Variants in TMEM131L observed in about 807,000 individuals in gnomAD.
The protein encoded by TMEM131L is transmembrane protein 131-like.
TMEM131L carries 54 observed loss-of-function variants against 192.2 expected under a neutral mutation model. The observed-to-expected ratio is 0.28, with a 90% CI of 0.23 to 0.35. The LOEUF (loss-of-function observed/expected upper bound fraction) is 0.35. Among genes scored for constraint, TMEM131L ranks in the 10% least tolerant of loss-of-function variants. The pLI is 1.00. For missense variants in TMEM131L, 1,888 were observed against 1,972.9 expected, an observed-to-expected ratio of 0.96 and a Z score of 0.82; for synonymous variants, 701 against 704.9, an observed-to-expected ratio of 0.99 and a Z score of 0.09.
chr4:153,467,743 A>G (rs1411571747), intron 2 of TMEM131L, among the ~76,000 whole-genome samples: 1 of 152,240 alleles, frequency 6.6e-6, no homozygotes, highest in Admixed American at 6.5e-5. Flanking sequence ...ATTTTCTCCA[A>G]GTGCCCTTAA....
chr4:153,573,164 C>A (rs773163429), intron 7 of TMEM131L, among the ~76,000 whole-genome samples: 7 of 152,236 alleles, frequency 4.6e-5, no homozygotes, highest in Non-Finnish European at 8.8e-5. Context: ...TGAGTCCCTG[C>A]TGTCACTTTT....
At chr4:153,480,977 A>G (rs1731901261) in intron 3 of TMEM131L, among the ~76,000 whole-genome samples, 1 of 152,086 alleles carries the variant, frequency 6.6e-6, no homozygotes, top group African/African-American at 2.4e-5. Flanking sequence ...CATTTGTCCT[A>G]CATCCTTTCC....
chr4:153,512,986 C>G (rs1452258991), intron 3 of TMEM131L, among the ~76,000 whole-genome samples: 1 of 152,200 alleles, frequency 6.6e-6, no homozygotes, highest in Admixed American at 6.5e-5. Flanking sequence ...AGTTTTAAAT[C>G]ACCAGTCTGT....
intron 31 of TMEM131L, among the ~76,000 whole-genome samples, chr4:153,631,173 C>T (rs1734183819): frequency 1.3e-5 from 2 of 152,202 alleles, no homozygotes; most frequent in Non-Finnish European, 2.9e-5. Flanking sequence ...TGCAGCCTCC[C>T]AGTAGATGCT....
At chr4:153,626,068 AAC>A (rs1431176574) in intron 29 of TMEM131L, 77 bp from the exon 30 acceptor site, 2 of 828,880 alleles carry the variant, frequency 2.4e-6, no homozygotes, top group African/African-American at 3.4e-5. Context: ...TGATATTAAT[AAC>A]CTATGCATTT....
chr4:153,627,610 T>C lies in TMEM131L; in HGVS notation c.4130T>C (p.Val1377Ala). The C allele has an allele frequency of 6.2e-7, 1 of 1,613,856 alleles. No homozygotes were observed. Among genetic ancestry groups the C allele is most frequent in the Non-Finnish European group, 8.5e-7 (1 of 1,179,796 alleles). Residue 1377 changes from valine to alanine, a missense_variant, in exon 31 of 35, where the codon GTG (valine) becomes GCG (alanine). Transcript: ENST00000409959. ...CTTTGCCCTCTTCCCCACAGGACCG[T>C]GAATAGTCTCCCACAATACGCAGAG... ...LSHNICNPMT[V>A]NSLPQYAEPS... is the part of the protein sequence containing the mutation.
At position 153,598,569 on chromosome 4, in the gene TMEM131L, A is replaced by G. The variant is rs776987253; in HGVS notation, c.2124-21A>G. ...GTGACTCCATGTAATGCCTTTTTATATCTATTTCCTTTCACTACAGGAATA... is the reference window on the plus strand; with the variant it reads ...GTGACTCCATGTAATGCCTTTTTATGTCTATTTCCTTTCACTACAGGAATA... On this transcript the variant is annotated intron_variant, in intron 20 of 34. Coordinates refer to ENST00000409959, the MANE Select transcript of TMEM131L (RefSeq NM_001131007.2). 1.2e-5 allele frequency: 19 copies of G among 1,605,426 alleles called. No individual in the cohort carries two copies. The South Asian group carries it at 1.7e-4, about 14-fold the overall frequency.
chr4:153,630,201 T>A (rs1734118628), intron 31 of TMEM131L, among the ~76,000 whole-genome samples: 1 of 152,356 alleles, frequency 6.6e-6, no homozygotes. Context: ...CATGCGTACA[T>A]CATTCCATAA....
intron 3 of TMEM131L, among the ~76,000 whole-genome samples, chr4:153,505,403 G>C (rs1405118256): frequency 6.6e-6 from 1 of 152,142 alleles, no homozygotes; most frequent in African/African-American, 2.4e-5. Context: ...ACCTTGCCCA[G>C]CCCTCAACTT....
At chr4:153,528,426 G>T (rs950556667) in intron 3 of TMEM131L, among the ~76,000 whole-genome samples, 1 of 152,210 alleles carries the variant, frequency 6.6e-6, no homozygotes, top group South Asian at 2.1e-4. Context: ...AGAGTGTGAA[G>T]TCTGGTGGCA....
chr4:153,510,280 T>A (rs1734266129), intron 3 of TMEM131L, among the ~76,000 whole-genome samples: 1 of 152,096 alleles, frequency 6.6e-6, no homozygotes. Context: ...CTTGAAGATG[T>A]TTCAAGGGAC....
intron 5 of TMEM131L, among the ~76,000 whole-genome samples, chr4:153,556,267 A>G (rs1728437031): frequency 6.6e-6 from 1 of 152,138 alleles, no homozygotes; most frequent in Non-Finnish European, 1.5e-5. Context: ...TAACTAATAC[A>G]AGTTTATGGT....
intron 3 of TMEM131L, among the ~76,000 whole-genome samples, chr4:153,544,269 G>A (rs563474930): frequency 6.6e-6 from 1 of 152,224 alleles, no homozygotes; most frequent in African/African-American, 2.4e-5. Context: ...TCAGATCCCT[G>A]TTAGGAGGTG....
chr4:153,526,062 T>C (rs1409913892), intron 3 of TMEM131L, among the ~76,000 whole-genome samples: 2 of 151,814 alleles, frequency 1.3e-5, no homozygotes, highest in African/African-American at 4.8e-5. Flanking sequence ...TTTCACCATG[T>C]TGGCCAGGAT....
At chr4:153,561,576 A>C (rs1222483227) in intron 7 of TMEM131L, among the ~76,000 whole-genome samples, 2 of 152,146 alleles carry the variant, frequency 1.3e-5, no homozygotes, top group East Asian at 3.9e-4. Flanking sequence ...ATTCTTTTGC[A>C]TGTAGATGTC....
At position 153,596,318 on chromosome 4, in the gene TMEM131L, A is replaced by G. The variant is rs747736840; in HGVS notation, c.2056A>G (p.Met686Val). The change falls in exon 20 of 35, where the codon ATG becomes GTG. Residue 686 changes from methionine to valine, a missense_variant. By Grantham distance (21) the Met-to-Val change is conservative. Transcript: ENST00000409959. ...ILHLHLQPLE[M>V]KRVGVVFTPA... The stretch of plus-strand genomic sequence containing the variant: ...CCACTTACATCTGCAGCCTTTGGAA[A>G]TGAAAAGGGTTGGCGTAGTTTTCAC... The G allele has an allele frequency of 2.7e-5, 43 of 1,614,034 alleles. No individual in the cohort carries two copies. Among genetic ancestry groups the G allele is most frequent in the Middle Eastern group, 3.3e-4 (2 of 6,060 alleles).
intron 3 of TMEM131L, among the ~76,000 whole-genome samples, chr4:153,516,089 C>G (rs1734711486): frequency 6.6e-6 from 1 of 151,944 alleles, no homozygotes; most frequent in African/African-American, 2.4e-5. Context: ...GAGTCATGTA[C>G]TATAAATGGT....
chr4:153,489,145 A>G (rs1238504665), intron 3 of TMEM131L, among the ~76,000 whole-genome samples: 3 of 151,910 alleles, frequency 2.0e-5, no homozygotes, highest in African/African-American at 7.2e-5. Flanking sequence ...CCCCAGCGAG[A>G]CTCGTCTGTG....
intron 3 of TMEM131L, among the ~76,000 whole-genome samples, chr4:153,497,754 G>A (rs998910176): frequency 1.3e-5 from 2 of 151,318 alleles, no homozygotes; most frequent in Middle Eastern, 3.4e-3. Context: ...GATGACAAGC[G>A]TTAATGCTTG....
Sources: gnomAD v4.1 joint callset for allele counts (sites outside exome capture counted in the v4.1 genomes callset) on GRCh38, gnomAD v4.1.1 for gene constraint, MANE v1.5 for transcripts, NCBI Gene and HGNC (gene_info 2026-07-23, HGNC 2026-07-21) for gene names.